UNC5D: variants seen among roughly 807,000 people sequenced by gnomAD.
UNC5D encodes unc-5 netrin receptor D, also known as netrin receptor UNC5D.
UNC5D carries 39 observed loss-of-function variants against 105.4 expected under a neutral mutation model. The observed-to-expected ratio is 0.37, with a 90% CI of 0.29 to 0.48. The LOEUF (loss-of-function observed/expected upper bound fraction) is 0.48. Among genes scored for constraint, UNC5D ranks in the 20% least tolerant of loss-of-function variants. UNC5D has a pLI of 0.98. For missense variants in UNC5D, 991 were observed against 1,202.4 expected, an observed-to-expected ratio of 0.82 and a Z score of 2.60; for synonymous variants, 452 against 450.4, an observed-to-expected ratio of 1.00 and a Z score of -0.04.
At chr8:35,409,611 G>A (rs147247437) in intron 1 of UNC5D, among the ~76,000 whole-genome samples, 151 of 151,964 alleles carry the variant, frequency 9.9e-4, no homozygotes, top group Non-Finnish European at 1.8e-3. Flanking sequence ...TCTTTTTGAG[G>A]TTTGGGAGTT....
intron 1 of UNC5D, among the ~76,000 whole-genome samples, chr8:35,334,595 C>A (rs890650418): frequency 6.6e-6 from 1 of 152,022 alleles, no homozygotes; most frequent in African/African-American, 2.4e-5. Flanking sequence ...TCACTGCAAC[C>A]TCCGTCTCCC....
chr8:35,470,360 G>A (rs562843811), intron 1 of UNC5D, among the ~76,000 whole-genome samples: 1 of 152,122 alleles, frequency 6.6e-6, no homozygotes, highest in East Asian at 1.9e-4. Flanking sequence ...TCTTCTGCAG[G>A]TCATGACACC....
chr8:35,446,866 C>T (rs1220716571), intron 1 of UNC5D, among the ~76,000 whole-genome samples: 1 of 152,190 alleles, frequency 6.6e-6, no homozygotes, highest in Non-Finnish European at 1.5e-5. Flanking sequence ...GTGAGCTTCA[C>T]CTTGAGGGAA....
chr8:35,587,965 A>AATATATATAT lies in UNC5D; in HGVS notation c.467-7569_467-7560dup, dbSNP rs57681405. Among the ~76,000 whole-genome samples, 1,049 of 105,010 alleles carry AATATATATAT rather than the reference A, an allele frequency of 1.0e-2. 36 individuals are homozygous for AATATATATAT. The highest frequency in any genetic ancestry group is 0.027 in the South Asian group (68 of 2,526). The allele number at this position is 105,010 out of a possible 152,430, so 68.9% of individuals were successfully genotyped here. A position where few individuals can be genotyped will look rare whatever the true frequency, so the allele number is the denominator to read the frequency against. On this transcript the variant is annotated intron_variant, in intron 3 of 16. Coordinates refer to ENST00000404895, the MANE Select transcript of UNC5D (RefSeq NM_080872.4). The stretch of plus-strand genomic sequence containing the variant: ...TTAGGGTTTTTCCTATAACTATAAT[A>AATATATATAT]ATATATATATATATATATATATATA...
intron 1 of UNC5D, chr8:35,255,400 G>C (rs1450653067): frequency 6.6e-6 from 1 of 152,146 alleles, no homozygotes; most frequent in African/African-American, 2.4e-5. Flanking sequence ...AGTACTTTGT[G>C]TTAAATGAGC....
intron 1 of UNC5D, among the ~76,000 whole-genome samples, chr8:35,348,979 A>C (rs1246405112): frequency 6.6e-6 from 1 of 151,998 alleles, no homozygotes; most frequent in Non-Finnish European, 1.5e-5. Flanking sequence ...TATCAAAAAT[A>C]ACTTCTTAAA....
intron 15 of UNC5D, among the ~76,000 whole-genome samples, chr8:35,769,457 T>A (rs887688485): frequency 1.3e-5 from 2 of 152,122 alleles, no homozygotes; most frequent in Non-Finnish European, 1.5e-5. Flanking sequence ...TGAAAGTATA[T>A]GAAAACTGGG....
In UNC5D at chr8:35,792,960, T is replaced by G. The variant is rs759312367; in HGVS notation, c.*2397T>G. ...CAATCCCTGAATGTCTGGAGTTACC[T>G]CCCATGGATTTTTTTTTCCTTTGGC... On this transcript the variant is annotated 3_prime_UTR_variant, in exon 17 of 17. Transcript: ENST00000404895. The G allele has an allele frequency of 1.8e-5, 8 of 452,646 alleles. No homozygotes were observed. The East Asian group carries it at 5.6e-4, about 32-fold the overall frequency. The allele number at this position is 452,646 out of a possible 1,614,324, so 28.0% of individuals were successfully genotyped here. A position where few individuals can be genotyped will look rare whatever the true frequency, so the allele number is the denominator to read the frequency against.
In UNC5D at chr8:35,790,246, C is replaced by G. The variant is rs1051186241; in HGVS notation, c.2658-113C>G. ...CCTGCCTTACTATAGCTTTTTATCC[C>G]TACTATAATAACATCTATTAAAATT... On this transcript the variant is annotated intron_variant, in intron 16 of 16. Transcript: ENST00000404895. 9 of 1,152,664 alleles carry G rather than the reference C, an allele frequency of 7.8e-6. No individual in the cohort carries two copies. The Admixed American group carries it at 1.9e-4, about 24-fold the overall frequency. The allele number at this position is 1,152,664 out of a possible 1,614,324, so 71.4% of individuals were successfully genotyped here.
At chr8:35,616,865 A>T in intron 4 of UNC5D, among the ~76,000 whole-genome samples, 1 of 152,368 alleles carries the variant, frequency 6.6e-6, no homozygotes, top group Non-Finnish European at 1.5e-5. Context: ...GAAACCTCAT[A>T]TAAGAAAAGG....
At chr8:35,650,272 T>G (rs1007037321) in intron 4 of UNC5D, among the ~76,000 whole-genome samples, 1 of 152,116 alleles carries the variant, frequency 6.6e-6, no homozygotes, top group South Asian at 2.1e-4. Context: ...TTGTGAGCCT[T>G]GTTGATGTCG....
chr8:35,623,444 A>G (rs746534580), intron 4 of UNC5D, among the ~76,000 whole-genome samples: 1 of 152,058 alleles, frequency 6.6e-6, no homozygotes, highest in Non-Finnish European at 1.5e-5. Flanking sequence ...GTTTTTGCCA[A>G]AATTGTTTTT....
At chr8:35,380,801 G>A (rs757042978) in intron 1 of UNC5D, among the ~76,000 whole-genome samples, 2 of 152,088 alleles carry the variant, frequency 1.3e-5, no homozygotes, top group Non-Finnish European at 2.9e-5. Context: ...CACTATGTAC[G>A]CATTGGAATC....
intron 2 of UNC5D, 86 bp downstream of exon 2, chr8:35,549,596 C>G: frequency 7.8e-7 from 1 of 1,285,036 alleles, no homozygotes. Flanking sequence ...TGGAAATCAC[C>G]CCCCATTGCC....
intron 4 of UNC5D, among the ~76,000 whole-genome samples, chr8:35,636,076 A>G (rs967074158): frequency 6.6e-6 from 1 of 152,152 alleles, no homozygotes; most frequent in African/African-American, 2.4e-5. Flanking sequence ...GAGTGATTAT[A>G]TTTTTGCTCA....
rs115906783 is a variant in UNC5D, at chr8:35,272,609, G to A, written c.103+36722G>A. Among the ~76,000 whole-genome samples the A allele has an allele frequency of 2.9e-3, 446 of 152,248 alleles. 3 individuals carry two copies. Among genetic ancestry groups the A allele is most frequent in the African/African-American group, 0.01 (416 of 41,546 alleles). On this transcript the variant is annotated intron_variant, in intron 1 of 16. Transcript: ENST00000404895. Reference sequence around the variant, plus strand: ...CCCTGGGGAGAGGGTGACTTAGAGTGAGCCAACCCTTTACAGCCCAGGACT... The same window carrying A: ...CCCTGGGGAGAGGGTGACTTAGAGTAAGCCAACCCTTTACAGCCCAGGACT...
chr8:35,538,849 T>G (rs1815063820), intron 1 of UNC5D, among the ~76,000 whole-genome samples: 1 of 152,064 alleles, frequency 6.6e-6, no homozygotes, highest in Non-Finnish European at 1.5e-5. Context: ...AAGCAATAAG[T>G]CTGTTTGAAG....
chr8:35,777,446 G>C (rs544800670), intron 16 of UNC5D, among the ~76,000 whole-genome samples: 4 of 152,274 alleles, frequency 2.6e-5, no homozygotes, highest in Non-Finnish European at 5.9e-5. Flanking sequence ...ACCTCATACA[G>C]TTAACATATC....
chr8:35,363,479 GA>G (rs547650887), intron 1 of UNC5D, among the ~76,000 whole-genome samples: 52 of 152,232 alleles, frequency 3.4e-4, no homozygotes, highest in African/African-American at 1.2e-3. Context: ...TTTGGATGGG[GA>G]CACAGCCAAA....
Sources: gnomAD v4.1 joint callset for allele counts (sites outside exome capture counted in the v4.1 genomes callset) on GRCh38, gnomAD v4.1.1 for gene constraint, MANE v1.5 for transcripts, NCBI Gene and HGNC (gene_info 2026-07-23, HGNC 2026-07-21) for gene names.